FASTK: variants seen among roughly 807,000 people sequenced by gnomAD.
FASTK encodes the protein fas-activated serine/threonine kinase.
FASTK carries 28 observed loss-of-function variants against 60.0 expected under a neutral mutation model. The observed-to-expected ratio is 0.47, with a 90% CI of 0.35 to 0.64. The LOEUF is 0.64. Ranked by LOEUF, FASTK falls within the 30% of genes least tolerant of loss-of-function variation. FASTK has a pLI of 0.01. For synonymous variants in FASTK, 325 were observed against 307.9 expected (o/e 1.06, Z -0.58); for missense variants, 595 against 713.8 (o/e 0.83, Z 1.90).
Position 151,077,365 on chromosome 7 carries a change from C to T in FASTK, c.1236G>A (p.Leu412=), listed in dbSNP as rs1463344367. 2 of 1,612,868 alleles carry T rather than the reference C, an allele frequency of 1.2e-6. No homozygotes were observed. The highest frequency in any genetic ancestry group is 1.7e-5 in the Admixed American group (1 of 60,024). ...KDIVAEGLRQ[L]LGEEKYRQDL... The stretch of plus-strand genomic sequence containing the variant: ...CCTGGCGGTATTTCTCCTCCCCCAG[C>T]AGCTGGCGCAACCCCTCAGCTACTA... The change falls in exon 7 of 10, where the codon CTG becomes CTA. Residue 412 remains leucine (L), a synonymous_variant. Coordinates refer to ENST00000297532, the MANE Select transcript of FASTK (RefSeq NM_006712.5).
Position 151,079,129 on chromosome 7 carries a change from G to T in FASTK, c.506-108C>A. ...CTTTCTCCTCTCCCGTTTCCTGAGCGGGAAGGTGTGCTAGAGTTTAAGTGC... is the reference window on the plus strand; with the variant it reads ...CTTTCTCCTCTCCCGTTTCCTGAGCTGGAAGGTGTGCTAGAGTTTAAGTGC... On this transcript the variant is annotated intron_variant, in intron 2 of 9. Transcript: ENST00000297532. 1 of 1,040,270 alleles carries T rather than the reference G, an allele frequency of 9.6e-7. No homozygotes were observed. The highest frequency in any genetic ancestry group is 1.3e-6 in the Non-Finnish European group (1 of 748,344). 64.4% of individuals were successfully genotyped at this position (1,040,270 alleles called of 1,614,324 possible).
intron 1 of FASTK, 54 bp downstream of exon 1, chr7:151,080,631 T>C: frequency 7.1e-7 from 1 of 1,399,046 alleles, no homozygotes. Context: ...CCGCTGCCGC[T>C]AACACCAGCT....
chr7:151,079,515 G>A lies in FASTK; in HGVS notation c.490C>T (p.Leu164Phe). Residue 164 changes from leucine to phenylalanine, a missense_variant, in exon 2 of 10, where the codon CTT becomes TTT. Physicochemically the swap from Leu to Phe is conservative, Grantham distance 22. Around this residue, in one of 2 missense-constraint regions of FASTK, gnomAD observed 471 missense variants for 605.9 expected, o/e 0.78. Coordinates refer to ENST00000297532, the MANE Select transcript of FASTK (RefSeq NM_006712.5). ...CCCTCCTCACCAAGTAAGACTGCAAGGTGCAGACACACGTGGATGGTGTGA... is the reference window on the plus strand; with the variant it reads ...CCCTCCTCACCAAGTAAGACTGCAAAGTGCAGACACACGTGGATGGTGTGA... Reference protein sequence around the residue: ...DIHTIHVCLHLAVLLGFPSDG... With the variant: ...DIHTIHVCLHFAVLLGFPSDG... 3.7e-6 allele frequency: 6 copies of A among 1,600,094 alleles called. No homozygotes were observed. Among genetic ancestry groups the A allele is most frequent in the East Asian group, 2.2e-5 (1 of 44,608 alleles).
In FASTK at chr7:151,079,642, C is replaced by G. The variant is rs774398132; in HGVS notation, c.363G>C (p.Leu121=). The change falls in exon 2 of 10, where the codon CTG becomes CTC. Residue 121 remains leucine (L), a synonymous_variant. Coordinates refer to ENST00000297532, the MANE Select transcript of FASTK (RefSeq NM_006712.5). ...GTGGCCGAGACCCCAAGAGCTGGCC[C>G]AGACGACGAAGCGCCACCGAGTAGT... ...AHHYSVALRR[L]GQLLGSRPRP... is the part of the protein sequence containing the mutation. The G allele has an allele frequency of 5.6e-6, 9 of 1,613,366 alleles. No individual in the cohort carries two copies. The highest frequency in any genetic ancestry group is 7.6e-6 in the Non-Finnish European group (9 of 1,179,934).
chr7:151,078,425 A>G (rs952224533), intron 4 of FASTK, 137 bp downstream of exon 4: 2 of 960,514 alleles, frequency 2.1e-6, no homozygotes, highest in African/African-American at 1.6e-5. Context: ...GAAAGGGTGT[A>G]GAAAAGATGC....
At chr7:151,080,599 C>T (rs1159991272) in intron 1 of FASTK, 86 bp downstream of exon 1, 2 of 1,344,266 alleles carry the variant, frequency 1.5e-6, no homozygotes, top group Non-Finnish European at 1.9e-6. Flanking sequence ...CACCCCGGCC[C>T]AGGGACGCCA....
In FASTK at chr7:151,078,947, G is replaced by A. The variant is rs150882873; in HGVS notation, c.580C>T (p.Pro194Ser). The change falls in exon 3 of 10, where the codon CCC becomes TCC. Residue 194 changes from proline to serine, a missense_variant. Around this residue, in one of 2 missense-constraint regions of FASTK, gnomAD observed 471 missense variants for 605.9 expected, o/e 0.78. Coordinates refer to ENST00000297532, the MANE Select transcript of FASTK (RefSeq NM_006712.5). ...CCTCGGAGAAGGGGCTGCAAAGGGGGAGGTGGCTTCGGAGGGAGGCGGAGC... is the reference window on the plus strand; with the variant it reads ...CCTCGGAGAAGGGGCTGCAAAGGGGAAGGTGGCTTCGGAGGGAGGCGGAGC... ...RRLRLPPKPP[P>S]PLQPLLRGGQ... is the part of the protein sequence containing the mutation. 2 of 1,567,792 alleles carry A rather than the reference G, an allele frequency of 1.3e-6. No homozygotes were observed. The highest frequency in any genetic ancestry group is 1.7e-6 in the Non-Finnish European group (2 of 1,162,538).
At position 151,076,934 on chromosome 7, in the gene FASTK, C is replaced by T. The variant is rs766198899; in HGVS notation, c.1521G>A (p.Leu507=). 3.2e-5 allele frequency: 51 copies of T among 1,609,294 alleles called. No homozygotes were observed. The highest frequency in any genetic ancestry group is 4.0e-5 in the Non-Finnish European group (47 of 1,177,898). Reference sequence around the variant, plus strand: ...TCACCGGCAGGAGCTGGTAGCCCATCAGGCCTAGGTGCCGCTCCCTCAGGG... The same window carrying T: ...TCACCGGCAGGAGCTGGTAGCCCATTAGGCCTAGGTGCCGCTCCCTCAGGG... ...SRALRERHLG[L]MGYQLLPLPF... is the part of the protein sequence containing the mutation. Residue 507 remains leucine, a synonymous_variant, in exon 9 of 10, where the codon CTG becomes CTA. Coordinates refer to ENST00000297532, the MANE Select transcript of FASTK (RefSeq NM_006712.5).
At position 151,078,630 on chromosome 7, in the gene FASTK, G is replaced by T; in HGVS notation, c.757C>A (p.Arg253=). The T allele has an allele frequency of 6.2e-7, 1 of 1,613,492 alleles. No individual in the cohort carries two copies. The highest frequency in any genetic ancestry group is 8.5e-7 in the Non-Finnish European group (1 of 1,179,996). The change falls in exon 4 of 10, where the codon CGG becomes AGG. Residue 253 remains arginine, a synonymous_variant. Coordinates refer to ENST00000297532, the MANE Select transcript of FASTK (RefSeq NM_006712.5). ...ATGGCTTCCAGAAGCTGGGGCTCCC[G>T]CAACCGGTGCCGGGCCAGGTGCTGG... ...LAQHLARHRL[R]EPQLLEAIAH... is the part of the protein sequence containing the mutation.
chr7:151,080,702 G>A lies in FASTK; in HGVS notation c.65C>T (p.Ala22Val). ...APRPTEGATCAGPGESWSPSP... is the reference protein window; with the variant it reads ...APRPTEGATCVGPGESWSPSP... ...ACCCCTACATGACTCCCCGGGCCCT[G>A]CGCAGGTCGCTCCCTCAGTCGGTCT... Residue 22 changes from alanine to valine, a missense_variant, in exon 1 of 10, where the codon GCA becomes GTA. Transcript: ENST00000297532. The A allele has an allele frequency of 7.2e-7, 1 of 1,393,094 alleles. No homozygotes were observed. Among genetic ancestry groups the A allele is most frequent in the Non-Finnish European group, 9.3e-7 (1 of 1,076,316 alleles). 86.3% of individuals were successfully genotyped at this position (1,393,094 alleles called of 1,614,324 possible).
intron 1 of FASTK, chr7:151,080,360 C>T (rs1338988094): frequency 2.7e-6 from 2 of 739,016 alleles, no homozygotes; most frequent in Non-Finnish European, 3.7e-6. Flanking sequence ...CCACAGGAGG[C>T]GGCGGCGGCA....
Position 151,080,690 on chromosome 7 carries a change from TC to T in FASTK, c.76del (p.Glu26SerfsTer29), listed in dbSNP as rs1407945969. ...TEGATCAGPGESWSPSPNSML... is the reference protein window; with the variant it reads ...TEGATCAGPGXSWSPSPNSML... ...CCCGCAGGCGCCACCCCTACATGAC[TC>T]CCCGGGCCCTGCGCAGGTCGCTCCC... On this transcript the variant is annotated frameshift_variant, in exon 1 of 10. Transcript: ENST00000297532. LOFTEE classifies it high-confidence loss of function. 3.5e-6 allele frequency: 5 copies of T among 1,423,228 alleles called. No individual in the cohort carries two copies. The highest frequency in any genetic ancestry group is 3.0e-5 in the Admixed American group (1 of 33,060). The allele number at this position is 1,423,228 out of a possible 1,614,324, so 88.2% of individuals were successfully genotyped here.
intron 4 of FASTK, 36 bp downstream of exon 4, chr7:151,078,526 G>A: frequency 1.2e-6 from 2 of 1,606,530 alleles, no homozygotes; most frequent in Non-Finnish European, 1.7e-6. Flanking sequence ...CCCTGAGAAT[G>A]ACAGAGATGC....
Position 151,078,939 on chromosome 7 carries a change from C to G in FASTK, c.588G>C (p.Leu196Phe), listed in dbSNP as rs1387763159. The G allele has an allele frequency of 1.3e-6, 2 of 1,572,402 alleles. No homozygotes were observed. Among genetic ancestry groups the G allele is most frequent in the Non-Finnish European group, 1.7e-6 (2 of 1,164,890 alleles). The change falls in exon 3 of 10, where the codon TTG (leucine) becomes TTC (phenylalanine). Residue 196 changes from leucine (L) to phenylalanine (F), a missense_variant. Around this residue, in one of 2 missense-constraint regions of FASTK, gnomAD observed 471 missense variants for 605.9 expected, o/e 0.78. Coordinates refer to ENST00000297532, the MANE Select transcript of FASTK (RefSeq NM_006712.5). ...LRLPPKPPPP[L>F]QPLLRGGQGL... ...CTTGCCCACCTCGGAGAAGGGGCTG[C>G]AAAGGGGGAGGTGGCTTCGGAGGGA...
In FASTK at chr7:151,079,936, C is replaced by A; in HGVS notation, c.83-14G>T. 6.4e-7 allele frequency: 1 copy of A among 1,552,422 alleles called. No individual in the cohort carries two copies. The highest frequency in any genetic ancestry group is 8.7e-7 in the Non-Finnish European group (1 of 1,144,724). On this transcript the variant is annotated splice_polypyrimidine_tract_variant and intron_variant, in intron 1 of 9. Transcript: ENST00000297532. ...GTGATGGAGACCCTGAGGGGCAGCCCAAAAAAGGGGGTGAGGTTTTCTCCA... is the reference window on the plus strand; with the variant it reads ...GTGATGGAGACCCTGAGGGGCAGCCAAAAAAAGGGGGTGAGGTTTTCTCCA...
At chr7:151,078,403 G>A (rs1180336555) in intron 4 of FASTK, among the ~76,000 whole-genome samples, 159 bp downstream of exon 4, 1 of 152,194 alleles carries the variant, frequency 6.6e-6, no homozygotes, top group Non-Finnish European at 1.5e-5. Context: ...GACAGGAGGT[G>A]GGCAAGCCAC....
intron 4 of FASTK, 24 bp from the exon 5 acceptor site, chr7:151,078,116 A>T: frequency 6.6e-7 from 1 of 1,520,154 alleles, no homozygotes; most frequent in Non-Finnish European, 9.0e-7. Context: ...GCAGTTCATT[A>T]CCCAGTGTCA....
chr7:151,078,580 T>C lies in FASTK; in HGVS notation c.807A>G (p.Glu269=). ...AGCCCACCTTGCTGCTGAGTTGCGT[T>C]TCCTGAACCACCAGGAAGTGGGCAA... The part of the protein sequence containing the change: ...EAIAHFLVVQ[E]TQLSSKVVQK... The change falls in exon 4 of 10, where the codon GAA becomes GAG. Residue 269 remains glutamate, a synonymous_variant. Transcript: ENST00000297532. The C allele has an allele frequency of 6.2e-7, 1 of 1,613,476 alleles. No individual in the cohort carries two copies. The highest frequency in any genetic ancestry group is 8.5e-7 in the Non-Finnish European group (1 of 1,179,792).
chr7:151,080,728 CG>C lies in FASTK; in HGVS notation c.38del (p.Pro13ArgfsTer42). On this transcript the variant is annotated frameshift_variant, in exon 1 of 10. Transcript: ENST00000297532. LOFTEE classifies it high-confidence loss of function. ...CGCAGGTCGCTCCCTCAGTCGGTCT[CG>C]GGGCCCGGGGGCCGGGTTCCCCCCG... ...RPRGEPGPRA[P>X]RPTEGATCAG... 2 of 1,326,282 alleles carry C rather than the reference CG, an allele frequency of 1.5e-6. No homozygotes were observed. The highest frequency in any genetic ancestry group is 1.9e-6 in the Non-Finnish European group (2 of 1,038,820). The allele number at this position is 1,326,282 out of a possible 1,614,324, so 82.2% of individuals were successfully genotyped here.
Sources: gnomAD v4.1 joint callset for allele counts (sites outside exome capture counted in the v4.1 genomes callset) on GRCh38, gnomAD v4.1.1 for gene constraint, gnomAD v4.1.1 regional missense constraint, MANE v1.5 for transcripts, NCBI Gene and HGNC (gene_info 2026-07-23, HGNC 2026-07-21) for gene names.